The following RGPD6 variants were observed in gnomAD, a reference collection of about 807,000 sequenced individuals.
RGPD6 encodes RANBP2-like and GRIP domain-containing protein 5/6.
the RGPD6 span, among the ~76,000 whole-genome samples, chr2:110,605,194 C>A: frequency 6.6e-6 from 1 of 151,860 alleles, no homozygotes; most frequent in Non-Finnish European, 1.5e-5. Context: ...TGCTTCCCAT[C>A]GAGGGCCCCT....
At chr2:110,609,639 G>GA in the RGPD6 span, among the ~76,000 whole-genome samples, 2,661 of 133,032 alleles carry the variant, frequency 0.02, 82 homozygotes, top group Middle Eastern at 0.035. Flanking sequence ...AAAGCAAAAG[G>GA]AAAAAAAAAA....
chr2:110,605,949 A>G, the RGPD6 span, among the ~76,000 whole-genome samples: 97 of 151,774 alleles, frequency 6.4e-4, 2 homozygotes, highest in South Asian at 2.1e-3. Context: ...CCCCTCAAGC[A>G]GGCAGTGTCA....
chr2:110,590,907 CG>C, the RGPD6 span, among the ~76,000 whole-genome samples: 3 of 111,952 alleles, frequency 2.7e-5, no homozygotes, highest in Admixed American at 2.9e-4. Context: ...AAAATGTGCA[CG>C]TATTATGCAT....
the RGPD6 span, among the ~76,000 whole-genome samples, chr2:110,593,060 G>T: frequency 6.8e-6 from 1 of 147,960 alleles, no homozygotes; most frequent in South Asian, 2.1e-4. Flanking sequence ...GAAAAGCTAA[G>T]ATTTATACGG....
the RGPD6 span, among the ~76,000 whole-genome samples, chr2:110,593,287 C>T: frequency 2.0e-5 from 3 of 147,966 alleles, 1 homozygote; most frequent in Non-Finnish European, 4.4e-5. Flanking sequence ...TCAGTGACCC[C>T]CTGAATGAGG....
the RGPD6 span, among the ~76,000 whole-genome samples, chr2:110,600,028 T>A: frequency 6.6e-6 from 1 of 152,076 alleles, no homozygotes; most frequent in East Asian, 1.9e-4. Flanking sequence ...CACGTAGACA[T>A]GCTTCTGCGA....
chr2:110,607,268 CG>C, the RGPD6 span, among the ~76,000 whole-genome samples: 11 of 151,538 alleles, frequency 7.3e-5, no homozygotes, highest in East Asian at 2.1e-3. Context: ...GCTACAGTGT[CG>C]GGTGCTGAAT....
chr2:110,606,208 G>A, the RGPD6 span, among the ~76,000 whole-genome samples: 47 of 149,384 alleles, frequency 3.1e-4, no homozygotes, highest in Non-Finnish European at 5.9e-4. Context: ...TTCAAGGGGT[G>A]GTGGGTGGCA....
At chr2:110,591,565 T>G in the RGPD6 span, among the ~76,000 whole-genome samples, 1 of 148,706 alleles carries the variant, frequency 6.7e-6, no homozygotes, top group East Asian at 2.0e-4. Flanking sequence ...GAGAGTCACA[T>G]GACGTAAAAC....
chr2:110,593,177 A>T, the RGPD6 span, among the ~76,000 whole-genome samples: 2 of 148,206 alleles, frequency 1.3e-5, no homozygotes, highest in South Asian at 4.3e-4. Flanking sequence ...GGCAAGACAC[A>T]CATCATCTGC....
At chr2:110,600,167 C>G in the RGPD6 span, among the ~76,000 whole-genome samples, 3 of 126,860 alleles carry the variant, frequency 2.4e-5, no homozygotes, top group South Asian at 8.6e-4. Flanking sequence ...AGACTTCATC[C>G]TAGACAGTCA....
At chr2:110,594,384 C>T in the RGPD6 span, among the ~76,000 whole-genome samples, 5 of 98,340 alleles carry the variant, frequency 5.1e-5, no homozygotes, top group Non-Finnish European at 9.6e-5. Flanking sequence ...TCTACTCACT[C>T]CACTACTATT....
chr2:110,610,938 GA>G, the RGPD6 span: 1 of 452,648 alleles, frequency 2.2e-6, no homozygotes, highest in East Asian at 1.9e-4. Flanking sequence ...CCCCGCCCCC[GA>G]CTCCGGGCCG....
the RGPD6 span, chr2:110,610,785 T>TCGC: frequency 9.0e-6 from 10 of 1,109,154 alleles, no homozygotes; most frequent in South Asian, 2.8e-5. Context: ...GGTGTCAGCG[T>TCGC]CGCCGCCGCC....
the RGPD6 span, among the ~76,000 whole-genome samples, chr2:110,610,522 A>G: frequency 6.6e-6 from 1 of 151,380 alleles, no homozygotes; most frequent in African/African-American, 2.4e-5. Context: ...GGAGAGGGGG[A>G]AACAGACGGG....
At chr2:110,596,923 T>C in the RGPD6 span, among the ~76,000 whole-genome samples, 3 of 130,920 alleles carry the variant, frequency 2.3e-5, no homozygotes, top group Non-Finnish European at 4.6e-5. Flanking sequence ...CATACATATA[T>C]ATATATATTA....
chr2:110,608,366 T>A, the RGPD6 span, among the ~76,000 whole-genome samples: 19 of 150,616 alleles, frequency 1.3e-4, no homozygotes, highest in Non-Finnish European at 2.7e-4. Context: ...TACTACCACT[T>A]ACTTACCCTT....
At chr2:110,603,637 G>A in the RGPD6 span, among the ~76,000 whole-genome samples, 1 of 63,184 alleles carries the variant, frequency 1.6e-5, no homozygotes, top group East Asian at 3.9e-4. Context: ...AATGATCATA[G>A]AATTTTGAAG....
At chr2:110,605,789 T>C in the RGPD6 span, among the ~76,000 whole-genome samples, 1 of 151,252 alleles carries the variant, frequency 6.6e-6, no homozygotes, top group Non-Finnish European at 1.5e-5. Flanking sequence ...CCAAACAAGA[T>C]CCACACTTTA....
Sources: allele counts gnomAD v4.1 joint callset (sites outside exome capture counted in the v4.1 genomes callset), GRCh38; gene constraint gnomAD v4.1.1; transcripts MANE v1.5; gene names NCBI Gene and HGNC (gene_info 2026-07-23, HGNC 2026-07-21).